Variants in UBE2W observed in about 807,000 individuals in gnomAD.
UBE2W encodes ubiquitin conjugating enzyme E2 W, also known as ubiquitin-conjugating enzyme E2 W.
Under a neutral mutation model 27.2 loss-of-function variants are expected in UBE2W, and 18 were observed. The observed-to-expected ratio is 0.66, with a 90% CI of 0.46 to 0.98. UBE2W has a LOEUF of 0.98. Among genes scored for constraint, UBE2W ranks in the 50% least tolerant of loss-of-function variants. The pLI, the probability that UBE2W is intolerant of heterozygous loss-of-function variation, is 0.00. For synonymous variants in UBE2W, 53 were observed against 57.2 expected (o/e 0.93, Z 0.33); for missense variants, 90 against 180.2 (o/e 0.50, Z 2.87).
chr8:73,848,314 TCAGA>T (rs1206436497), intron 1 of UBE2W, among the ~76,000 whole-genome samples: 1 of 152,100 alleles, frequency 6.6e-6, no homozygotes, highest in Non-Finnish European at 1.5e-5. Flanking sequence ...GCAAATGAAG[TCAGA>T]CAGAAAAATA....
At position 73,792,323 on chromosome 8, in the gene UBE2W, C is replaced by T; in HGVS notation, c.*1779G>A. 1.0e-6 allele frequency: 1 copy of T among 984,768 alleles called. No individual in the cohort carries two copies. The highest frequency in any genetic ancestry group is 1.2e-6 in the Non-Finnish European group (1 of 829,628). 61.0% of individuals were successfully genotyped at this position (984,768 alleles called of 1,614,324 possible). ...ACTAGCAGTATATAAACAGTGTCCA[C>T]AATTTGGTGGCTGGCCACGGTTTTA... On this transcript the variant is annotated 3_prime_UTR_variant, in exon 6 of 6. Transcript: ENST00000602593.
At chr8:73,805,472 C>CAAAAAAAAAAAAAACAAAAAAAAAA in intron 5 of UBE2W, among the ~76,000 whole-genome samples, 179 bp downstream of exon 5, 1 of 43,674 alleles carries the variant, frequency 2.3e-5, no homozygotes. Context: ...AAAAAAAAAA[C>CAAAAAAAAAAAAAACAAAAAAAAAA]AAAAAAAACT....
Position 73,789,896 on chromosome 8 carries a change from A to G in UBE2W, c.*4206T>C, listed in dbSNP as rs919047530. The G allele has an allele frequency of 3.0e-5, 29 of 974,692 alleles. No individual in the cohort carries two copies. In the African/African-American group the frequency reaches 4.9e-4, roughly 16 times the overall value. 60.4% of individuals were successfully genotyped at this position (974,692 alleles called of 1,614,324 possible). On this transcript the variant is annotated 3_prime_UTR_variant, in exon 6 of 6. Transcript: ENST00000602593. ...CATTCCACATCTCAAAATGACTTAG[A>G]AATTTAAATGGAAAAAATAAATAAT...
chr8:73,840,390 A>G (rs1810492319), intron 1 of UBE2W, among the ~76,000 whole-genome samples: 1 of 152,214 alleles, frequency 6.6e-6, no homozygotes, highest in Non-Finnish European at 1.5e-5. Context: ...TCTGGCTTCT[A>G]AGCTAATTCA....
At chr8:73,863,929 C>G (rs1475125622) in intron 1 of UBE2W, among the ~76,000 whole-genome samples, 1 of 122,372 alleles carries the variant, frequency 8.2e-6, no homozygotes, top group Non-Finnish European at 1.7e-5. Context: ...AAAACAACAA[C>G]AACAAAAAAC....
intron 5 of UBE2W, among the ~76,000 whole-genome samples, chr8:73,802,945 C>A (rs1291812108): frequency 6.6e-6 from 1 of 152,114 alleles, no homozygotes; most frequent in South Asian, 2.1e-4. Flanking sequence ...ATGGTGTGAA[C>A]CCTGGGAGGT....
intron 4 of UBE2W, among the ~76,000 whole-genome samples, chr8:73,808,362 G>C (rs1332362483): frequency 1.3e-5 from 2 of 152,180 alleles, no homozygotes; most frequent in African/African-American, 4.8e-5. Context: ...AACCTCCCAA[G>C]TAGCTGGGAC....
chr8:73,828,161 C>T (rs1049192816), intron 2 of UBE2W, among the ~76,000 whole-genome samples: 7 of 152,108 alleles, frequency 4.6e-5, no homozygotes, highest in Non-Finnish European at 7.3e-5. Flanking sequence ...CTTTAACACC[C>T]GTGAGTACCT....
chr8:73,850,041 G>T (rs774550939), intron 1 of UBE2W, among the ~76,000 whole-genome samples: 138 of 152,062 alleles, frequency 9.1e-4, no homozygotes, highest in Non-Finnish European at 1.6e-3. Context: ...GAAGATTTTA[G>T]TAACACCTCT....
intron 1 of UBE2W, among the ~76,000 whole-genome samples, chr8:73,832,271 A>C (rs1236976950): frequency 3.9e-5 from 6 of 152,082 alleles, no homozygotes; most frequent in Non-Finnish European, 7.4e-5. Flanking sequence ...ACTGCACTCC[A>C]GCCTAAGTTA....
At position 73,791,180 on chromosome 8, in the gene UBE2W, C is replaced by G. The variant is rs1416928589; in HGVS notation, c.*2922G>C. The G allele has an allele frequency of 1.0e-6, 1 of 980,976 alleles. No individual in the cohort carries two copies. The highest frequency in any genetic ancestry group is 1.2e-6 in the Non-Finnish European group (1 of 827,774). 60.8% of individuals were successfully genotyped at this position (980,976 alleles called of 1,614,324 possible). ...GTGAATATTAATTCCTTAAGAGAAC[C>G]ATAAAATGTATTTTTAAAAAATTCT... On this transcript the variant is annotated 3_prime_UTR_variant, in exon 6 of 6. Transcript: ENST00000602593.
chr8:73,844,970 G>A (rs982261293), intron 1 of UBE2W, among the ~76,000 whole-genome samples: 1 of 151,908 alleles, frequency 6.6e-6, no homozygotes, highest in Non-Finnish European at 1.5e-5. Context: ...CGTCTGGGAA[G>A]CGAGGAGCGT....
chr8:73,780,651 C>G (rs1367327763), intron 4 of UBE2W: 3 of 344,582 alleles, frequency 8.7e-6, no homozygotes, highest in African/African-American at 2.1e-5. Flanking sequence ...TTTCCAGCTA[C>G]TTGGGACTAC....
chr8:73,787,115 T>C lies in UBE2W; in HGVS notation c.*6987A>G, dbSNP rs183557177. On this transcript the variant is annotated 3_prime_UTR_variant, in exon 6 of 6. Transcript: ENST00000602593. ...TAAAGGGCGTAGGGATTCCCACTTATGTATTTTGCATTATGCAGGCAAACA... is the reference window on the plus strand; with the variant it reads ...TAAAGGGCGTAGGGATTCCCACTTACGTATTTTGCATTATGCAGGCAAACA... The C allele has an allele frequency of 1.7e-4, 164 of 985,458 alleles. 1 individual carries two copies. In the East Asian group the frequency reaches 0.015, roughly 92 times the overall value. The allele number at this position is 985,458 out of a possible 1,614,324, so 61.0% of individuals were successfully genotyped here.
intron 1 of UBE2W, among the ~76,000 whole-genome samples, chr8:73,871,082 T>C (rs1237622297): frequency 6.6e-6 from 1 of 152,194 alleles, no homozygotes; most frequent in Non-Finnish European, 1.5e-5. Flanking sequence ...ATTGGGAATC[T>C]AAAGAGATAA....
rs141732812 is a variant in UBE2W at position 73,821,799 on chromosome 8, G to A, written c.210+3348C>T. Among the ~76,000 whole-genome samples, 57 of 152,160 alleles carry A rather than the reference G, an allele frequency of 3.7e-4. No homozygotes were observed. The East Asian group carries it at 9.1e-3, about 24-fold the overall frequency. The stretch of plus-strand genomic sequence containing the variant: ...GCTGATCGCTTGAGCCCAGGAGCTC[G>A]AGACTAGTCTGGGCAACATGGCAAG... On this transcript the variant is annotated intron_variant, in intron 3 of 5. Transcript: ENST00000602593.
exon 5 of UBE2W, chr8:73,780,396 C>CTATGCAATGACATCTA (rs1460050383): frequency 3.3e-5 from 14 of 429,016 alleles, no homozygotes; most frequent in Non-Finnish European, 6.5e-5. Flanking sequence ...CTAATGACAT[C>CTATGCAATGACATCTA]TGCAATGACT....
Position 73,791,131 on chromosome 8 carries a change from A to G in UBE2W, c.*2971T>C, listed in dbSNP as rs1808172616. On this transcript the variant is annotated 3_prime_UTR_variant, in exon 6 of 6. Transcript: ENST00000602593. Reference sequence around the variant, plus strand: ...CCTGCTGGCTAAAATGATAAATTATATATTACAAGTAAGTCCTTCAGAAGT... The same window carrying G: ...CCTGCTGGCTAAAATGATAAATTATGTATTACAAGTAAGTCCTTCAGAAGT... The G allele has an allele frequency of 1.1e-5, 11 of 984,404 alleles. 1 individual carries two copies. In the South Asian group the frequency reaches 2.4e-4, roughly 21 times the overall value. 61.0% of individuals were successfully genotyped at this position (984,404 alleles called of 1,614,324 possible).
intron 1 of UBE2W, chr8:73,834,100 G>A (rs1373484226): frequency 1.3e-5 from 2 of 152,164 alleles, no homozygotes; most frequent in Non-Finnish European, 2.9e-5. Context: ...TTTCTTAAGA[G>A]TACTCTGCTT....
Sources: gnomAD v4.1 joint callset for allele counts (sites outside exome capture counted in the v4.1 genomes callset) on GRCh38, gnomAD v4.1.1 for gene constraint, MANE v1.5 for transcripts, NCBI Gene and HGNC (gene_info 2026-07-23, HGNC 2026-07-21) for gene names.